Variants in PCED1B observed in about 807,000 individuals in gnomAD.
PCED1B encodes the protein PC-esterase domain-containing protein 1B.
For synonymous variants in PCED1B, 251 were observed against 246.1 expected (o/e 1.02, Z -0.19); for missense variants, 573 against 573.9 (o/e 1.00, Z 0.02).
chr12:47,143,781 C>G (rs1940683308), intron 2 of PCED1B, among the ~76,000 whole-genome samples: 2 of 104,522 alleles, frequency 1.9e-5, no homozygotes, highest in Non-Finnish European at 4.4e-5. Context: ...CAATCTTGAA[C>G]AGGAAGAACA....
At chr12:47,121,607 G>T (rs1040284038) in intron 2 of PCED1B, among the ~76,000 whole-genome samples, 5 of 152,128 alleles carry the variant, frequency 3.3e-5, no homozygotes, top group Admixed American at 1.3e-4. Context: ...TGTCCAAAGA[G>T]AATTTTCTAG....
intron 2 of PCED1B, among the ~76,000 whole-genome samples, chr12:47,116,988 A>G (rs907166308): frequency 1.3e-5 from 2 of 152,194 alleles, no homozygotes; most frequent in African/African-American, 4.8e-5. Flanking sequence ...ACATTGATAA[A>G]TTAACCAGAT....
At chr12:47,090,393 G>A (rs954569458) in intron 1 of PCED1B, among the ~76,000 whole-genome samples, 4 of 152,076 alleles carry the variant, frequency 2.6e-5, no homozygotes, top group Admixed American at 6.5e-5. Context: ...TATGTATATC[G>A]AATGTGAACT....
At chr12:47,202,473 G>A (rs1942790645) in intron 2 of PCED1B, among the ~76,000 whole-genome samples, 1 of 151,612 alleles carries the variant, frequency 6.6e-6, no homozygotes, top group South Asian at 2.1e-4. Flanking sequence ...TTCTTTCATA[G>A]CTTCTGCAGT....
intron 2 of PCED1B, among the ~76,000 whole-genome samples, chr12:47,140,129 A>T (rs1172442204): frequency 6.6e-6 from 1 of 152,200 alleles, no homozygotes; most frequent in Non-Finnish European, 1.5e-5. Flanking sequence ...ACTACCTTGC[A>T]TATGTTACTG....
At position 47,235,677 on chromosome 12, in the gene PCED1B, G is replaced by C; in HGVS notation, c.614G>C (p.Arg205Pro). ...KANFHSATEA[R>P]KHNFDVLDLH... ...AACTTCCACAGCGCCACCGAGGCAC[G>C]TAAACATAACTTCGATGTACTGGAC... The change falls in exon 4 of 4, where the codon CGT becomes CCT. Residue 205 changes from arginine (R) to proline (P), a missense_variant. Coordinates refer to ENST00000546455, the MANE Select transcript of PCED1B (RefSeq NM_138371.3). The C allele has an allele frequency of 6.2e-7, 1 of 1,613,094 alleles. No individual in the cohort carries two copies. The highest frequency in any genetic ancestry group is 8.5e-7 in the Non-Finnish European group (1 of 1,179,912).
intron 2 of PCED1B, among the ~76,000 whole-genome samples, chr12:47,153,381 A>G (rs2137463671): frequency 6.6e-6 from 1 of 151,524 alleles, no homozygotes; most frequent in African/African-American, 2.4e-5. Flanking sequence ...AAAAAAGAGA[A>G]TATAGAAATT....
In PCED1B at chr12:47,131,751, C is replaced by T. The variant is rs1201336641; in HGVS notation, c.-526+27556C>T. Among the ~76,000 whole-genome samples, 7 of 149,180 alleles carry T rather than the reference C, an allele frequency of 4.7e-5. No individual in the cohort carries two copies. The Admixed American group carries it at 4.7e-4, about 10-fold the overall frequency. On this transcript the variant is annotated intron_variant, in intron 2 of 3. Coordinates refer to ENST00000546455, the MANE Select transcript of PCED1B (RefSeq NM_138371.3). ...TGGCGCAATCTCGTCTCACTGCAAC[C>T]TTCGACTCCCTGGTTCAAGCAATTC... is the stretch of plus-strand genomic sequence containing the variant.
At chr12:47,155,692 A>T (rs1430742423) in intron 2 of PCED1B, among the ~76,000 whole-genome samples, 1 of 152,214 alleles carries the variant, frequency 6.6e-6, no homozygotes, top group Non-Finnish European at 1.5e-5. Flanking sequence ...AGCTGCCAGG[A>T]GTGAGAGCTG....
chr12:47,161,320 TA>T (rs970799753), intron 2 of PCED1B, among the ~76,000 whole-genome samples: 15 of 152,176 alleles, frequency 9.9e-5, no homozygotes, highest in African/African-American at 3.6e-4. Context: ...CACAATTTGT[TA>T]AAAAAATGGT....
intron 2 of PCED1B, among the ~76,000 whole-genome samples, chr12:47,114,499 A>G (rs1423456944): frequency 6.6e-6 from 1 of 152,208 alleles, no homozygotes; most frequent in East Asian, 1.9e-4. Flanking sequence ...AGAGACAGAG[A>G]ACGTTACCCC....
intron 2 of PCED1B, among the ~76,000 whole-genome samples, chr12:47,196,705 G>A (rs1265157502): frequency 6.6e-6 from 1 of 152,154 alleles, no homozygotes; most frequent in Non-Finnish European, 1.5e-5. Context: ...GCGGGCGCCT[G>A]TAATCCCAGC....
At chr12:47,187,581 A>G (rs1035610514) in intron 2 of PCED1B, among the ~76,000 whole-genome samples, 2 of 152,208 alleles carry the variant, frequency 1.3e-5, no homozygotes, top group Non-Finnish European at 2.9e-5. Context: ...AAATGTGTCA[A>G]TATTTTAAAA....
chr12:47,224,574 G>A (rs1382285119), intron 3 of PCED1B, among the ~76,000 whole-genome samples: 6 of 152,172 alleles, frequency 3.9e-5, no homozygotes, highest in Non-Finnish European at 7.3e-5. Context: ...AAGTAAACCT[G>A]TGATTACACG....
chr12:47,208,010 T>C (rs1484853461), intron 2 of PCED1B, among the ~76,000 whole-genome samples: 1 of 152,120 alleles, frequency 6.6e-6, no homozygotes, highest in Non-Finnish European at 1.5e-5. Context: ...CACAGCTCTC[T>C]GAACACCCAT....
At chr12:47,122,068 T>G (rs1939703547) in intron 2 of PCED1B, among the ~76,000 whole-genome samples, 1 of 152,016 alleles carries the variant, frequency 6.6e-6, no homozygotes, top group Non-Finnish European at 1.5e-5. Flanking sequence ...CCCTTTTTTT[T>G]TCTCTAAAAT....
chr12:47,147,204 A>G (rs1363430000), intron 2 of PCED1B, among the ~76,000 whole-genome samples: 1 of 151,754 alleles, frequency 6.6e-6, no homozygotes, highest in Non-Finnish European at 1.5e-5. Context: ...TTCAGTAGAG[A>G]CAGGGTTTCA....
intron 1 of PCED1B, 55 bp downstream of exon 1, chr12:47,079,780 C>G (rs1941931725): frequency 6.7e-6 from 1 of 150,074 alleles, no homozygotes. Flanking sequence ...GCCCCGCTCC[C>G]AGAGCCGGGG....
intron 2 of PCED1B, among the ~76,000 whole-genome samples, chr12:47,168,824 G>A (rs1318018332): frequency 6.6e-6 from 1 of 151,690 alleles, no homozygotes; most frequent in Non-Finnish European, 1.5e-5. Flanking sequence ...TAGAATTTTT[G>A]TCATTCTTTT....
Sources: gnomAD v4.1 joint callset for allele counts (sites outside exome capture counted in the v4.1 genomes callset) on GRCh38, gnomAD v4.1.1 for gene constraint, MANE v1.5 for transcripts, NCBI Gene and HGNC (gene_info 2026-07-23, HGNC 2026-07-21) for gene names.